DENND3: variants seen among roughly 807,000 people sequenced by gnomAD.
DENND3 encodes DENN domain-containing protein 3.
Under a neutral mutation model 135.1 loss-of-function variants are expected in DENND3, and 88 were observed. That is an observed-to-expected ratio of 0.65 (90% CI 0.55 to 0.78). The LOEUF (loss-of-function observed/expected upper bound fraction) is 0.78, where lower values mean the gene tolerates loss of function less well. Ranked by LOEUF, DENND3 falls within the 30% of genes least tolerant of loss-of-function variation. The pLI, the probability that DENND3 is intolerant of heterozygous loss-of-function variation, is 0.00. For synonymous variants in DENND3, 693 were observed against 712.3 expected (o/e 0.97, Z 0.43); for missense variants, 1,392 against 1,688.4 (o/e 0.82, Z 3.08).
Position 141,175,241 on chromosome 8 carries a change from TA to T in DENND3, c.2318del (p.Tyr773SerfsTer20). On this transcript the variant is annotated frameshift_variant, in exon 14 of 23. Coordinates refer to ENST00000519811, the MANE Select transcript of DENND3 (RefSeq NM_001352890.3). LOFTEE classifies it high-confidence loss of function. The surrounding 1 kb of genome is among the most constrained non-coding windows in gnomAD (Gnocchi z 5.4). The stretch of plus-strand genomic sequence containing the variant: ...CGACCCAGAAACATTCAAAGATTTC[TA>T]CAACTGCTGGAAGGAGACGGAAGCA... ...QIDPETFKDF[Y>X]NCWKETEAEA... The T allele has an allele frequency of 6.2e-7, 1 of 1,614,144 alleles. No homozygotes were observed. The highest frequency in any genetic ancestry group is 2.2e-5 in the East Asian group (1 of 44,880).
rs140903140 is a variant in DENND3, at chr8:141,187,470, C to T, written c.3085-1516C>T. On this transcript the variant is annotated intron_variant, in intron 18 of 22. Transcript: ENST00000519811. ...AAACTCCTGGGCTCAAGCAGTCCTC[C>T]CGCCTCGGCCCCGCCAAAGTGCTGG... Among the ~76,000 whole-genome samples the T allele has an allele frequency of 4.8e-3, 727 of 152,272 alleles. 6 individuals carry two copies. Among genetic ancestry groups the T allele is most frequent in the African/African-American group, 0.016 (678 of 41,546 alleles).
chr8:141,164,147 C>T (rs1247383471), intron 10 of DENND3, among the ~76,000 whole-genome samples: 1 of 152,130 alleles, frequency 6.6e-6, no homozygotes, highest in African/African-American at 2.4e-5. Context: ...CTGCGGTCTG[C>T]GCTCTGTCTG....
At chr8:141,176,392 G>GC (rs754795267) in intron 14 of DENND3, 199 bp from the exon 15 acceptor site, 64 of 616,132 alleles carry the variant, frequency 1.0e-4, no homozygotes, top group Non-Finnish European at 1.7e-4. Flanking sequence ...GGGTGTAGGT[G>GC]CCGCACCGCA....
chr8:141,192,579 C>T lies in DENND3; in HGVS notation c.3552C>T (p.Ser1184=). ...CAGRSEVYIW[S]LKDLAQPPQR... Reference sequence around the variant, plus strand: ...GACGCAGCGAGGTTTACATCTGGAGCCTGAAGGACCTGGCCCAGCCCCCGC... The same window carrying T: ...GACGCAGCGAGGTTTACATCTGGAGTCTGAAGGACCTGGCCCAGCCCCCGC... Residue 1184 remains serine, a synonymous_variant, in exon 22 of 23, where the codon AGC becomes AGT. Transcript: ENST00000519811. 3 of 1,579,848 alleles carry T rather than the reference C, an allele frequency of 1.9e-6. No individual in the cohort carries two copies. Among genetic ancestry groups the T allele is most frequent in the Non-Finnish European group, 1.7e-6 (2 of 1,160,458 alleles).
rs1226554774 is a variant in DENND3, at chr8:141,141,487, C to T, written c.623+163C>T. 28 of 790,476 alleles carry T rather than the reference C, an allele frequency of 3.5e-5. No individual in the cohort carries two copies. Among genetic ancestry groups the T allele is most frequent in the Non-Finnish European group, 5.1e-5 (26 of 506,998 alleles). The allele number at this position is 790,476 out of a possible 1,614,324, so 49.0% of individuals were successfully genotyped here. On this transcript the variant is annotated intron_variant, in intron 4 of 22. Coordinates refer to ENST00000519811, the MANE Select transcript of DENND3 (RefSeq NM_001352890.3). This position sits in a 1 kb window ranked among gnomAD's most constrained non-coding sequence, Gnocchi z 5.3. ...GCTGGGGGCAGTAGGAGGGGCAGTT[C>T]TCTGTGCCTCTTAGGCTGTTGCTTA...
At chr8:141,172,057 G>A (rs1432008796) in intron 13 of DENND3, among the ~76,000 whole-genome samples, 2 of 149,480 alleles carry the variant, frequency 1.3e-5, no homozygotes, top group Middle Eastern at 7.2e-3. Flanking sequence ...GGTGAGCATA[G>A]TGGTGGGCAC....
chr8:141,140,692 A>C (rs530783960), intron 3 of DENND3, among the ~76,000 whole-genome samples: 1 of 152,356 alleles, frequency 6.6e-6, no homozygotes, highest in South Asian at 2.1e-4. Context: ...CATCCCTACA[A>C]AAAACCCCAA....
In DENND3 at chr8:141,174,664, A is replaced by C. The variant is rs1822094001; in HGVS notation, c.2276-536A>C. Among the ~76,000 whole-genome samples, 1 of 152,172 alleles carries C rather than the reference A, an allele frequency of 6.6e-6. No homozygotes were observed. Among genetic ancestry groups the C allele is most frequent in the Middle Eastern group, 3.2e-3 (1 of 316 alleles). Reference sequence around the variant, plus strand: ...TCAGCGGAGGTGATTTCAGTTGCAGACAACAAAAGTCAATGATTTGCTGGT... The same window carrying C: ...TCAGCGGAGGTGATTTCAGTTGCAGCCAACAAAAGTCAATGATTTGCTGGT... On this transcript the variant is annotated intron_variant, in intron 13 of 22. Transcript: ENST00000519811. This position sits in a 1 kb window ranked among gnomAD's most constrained non-coding sequence, Gnocchi z 4.6.
At chr8:141,176,442 A>C (rs1589678119) in intron 14 of DENND3, 149 bp from the exon 15 acceptor site, 2 of 914,266 alleles carry the variant, frequency 2.2e-6, no homozygotes, top group African/African-American at 1.7e-5. Flanking sequence ...ACTGCCCCTC[A>C]CCCGGGGCCC....
intron 19 of DENND3, among the ~76,000 whole-genome samples, chr8:141,190,072 G>A (rs954196709): frequency 7.3e-5 from 11 of 151,534 alleles, no homozygotes; most frequent in Non-Finnish European, 2.9e-5. Flanking sequence ...AAGCCTGGCT[G>A]TGGCTGCATT....
intron 8 of DENND3, among the ~76,000 whole-genome samples, chr8:141,159,895 C>T (rs969123733): frequency 6.6e-5 from 10 of 152,110 alleles, no homozygotes; most frequent in East Asian, 5.8e-4. Context: ...ACACCCGGGA[C>T]GTTTGTTGCA....
In DENND3 at chr8:141,167,949, G is replaced by A. The variant is rs902771510; in HGVS notation, c.1754-55G>A. 13 of 1,548,798 alleles carry A rather than the reference G, an allele frequency of 8.4e-6. No individual in the cohort carries two copies. Among genetic ancestry groups the A allele is most frequent in the South Asian group, 6.2e-5 (5 of 81,170 alleles). ...TGACAAGATGATGTGACAGGGACAC[G>A]TGTTCATTTGGAAGGTCTGTGCTAA... On this transcript the variant is annotated intron_variant, in intron 12 of 22. Coordinates refer to ENST00000519811, the MANE Select transcript of DENND3 (RefSeq NM_001352890.3). The surrounding 1 kb of genome is among the most constrained non-coding windows in gnomAD (Gnocchi z 4.1).
At chr8:141,165,494 C>G (rs1276928267) in intron 11 of DENND3, among the ~76,000 whole-genome samples, 1 of 147,892 alleles carries the variant, frequency 6.8e-6, no homozygotes, top group Non-Finnish European at 1.5e-5. Context: ...GACGGAGTCT[C>G]GCTCTTGTTG....
At chr8:141,155,791 G>A in intron 7 of DENND3, 58 bp from the exon 8 acceptor site, 1 of 1,534,688 alleles carries the variant, frequency 6.5e-7, no homozygotes, top group Non-Finnish European at 8.8e-7. Context: ...TTTTCAAAGA[G>A]GTATACAAAT....
intron 5 of DENND3, among the ~76,000 whole-genome samples, chr8:141,148,548 A>G (rs371068454): frequency 1.2e-4 from 18 of 152,086 alleles, no homozygotes; most frequent in African/African-American, 4.1e-4. Context: ...TGTATGTGAC[A>G]CCTGTTCTTT....
At chr8:141,185,853 T>C (rs1823822339) in intron 18 of DENND3, among the ~76,000 whole-genome samples, 1 of 151,620 alleles carries the variant, frequency 6.6e-6, no homozygotes. Context: ...AATAATAAAA[T>C]AATAAAAATC....
Position 141,138,243 on chromosome 8 carries a change from G to C in DENND3, c.501+106G>C. The C allele has an allele frequency of 8.4e-7, 1 of 1,188,320 alleles. No individual in the cohort carries two copies. The highest frequency in any genetic ancestry group is 1.4e-5 in the South Asian group (1 of 70,056). The allele number at this position is 1,188,320 out of a possible 1,614,324, so 73.6% of individuals were successfully genotyped here. On this transcript the variant is annotated intron_variant, in intron 3 of 22. Coordinates refer to ENST00000519811, the MANE Select transcript of DENND3 (RefSeq NM_001352890.3). The surrounding 1 kb of genome is among the most constrained non-coding windows in gnomAD (Gnocchi z 4.8). ...CATTCTAACCATTTTAAAGTGTGCAGTTCCGTAACATTAAGTACATTCACA... is the reference window on the plus strand; with the variant it reads ...CATTCTAACCATTTTAAAGTGTGCACTTCCGTAACATTAAGTACATTCACA...
At chr8:141,134,287 T>C (rs1044964405) in intron 1 of DENND3, among the ~76,000 whole-genome samples, 27 of 152,044 alleles carry the variant, frequency 1.8e-4, no homozygotes, top group Admixed American at 1.4e-3. Flanking sequence ...ATATTTTTTA[T>C]TTTTTATTTT....
rs756427494 is a variant in DENND3, at chr8:141,166,256, G to A, written c.1620G>A (p.Ser540=). 25 of 1,614,000 alleles carry A rather than the reference G, an allele frequency of 1.5e-5. No individual in the cohort carries two copies. The highest frequency in any genetic ancestry group is 6.6e-5 in the South Asian group (6 of 91,086). ...TVEKRASRKS[S]HLHVTHRRMV... ...AGAAAAGAGCCTCCCGGAAGTCCTC[G>A]CACCTGCATGTCACCCACAGGCGCA... The change falls in exon 12 of 23, where the codon TCG becomes TCA. Residue 540 remains serine, a synonymous_variant. Transcript: ENST00000519811. The surrounding 1 kb of genome is among the most constrained non-coding windows in gnomAD (Gnocchi z 4.3).
Sources: allele counts gnomAD v4.1 joint callset (sites outside exome capture counted in the v4.1 genomes callset), GRCh38; gene constraint gnomAD v4.1.1; non-coding constraint Gnocchi (gnomAD v3.1); transcripts MANE v1.5; gene names NCBI Gene and HGNC (gene_info 2026-07-23, HGNC 2026-07-21).